Variants in SLC7A1 observed in about 807,000 individuals in gnomAD.
SLC7A1 encodes high affinity cationic amino acid transporter 1.
A neutral mutation model predicts 53.9 loss-of-function variants in SLC7A1; 10 were observed. The ratio of observed to expected loss-of-function variants is 0.19; its 90% CI spans 0.11 to 0.31. The LOEUF (loss-of-function observed/expected upper bound fraction) is 0.31, where lower values mean the gene tolerates loss of function less well. Ranked by LOEUF, SLC7A1 falls within the 10% of genes least tolerant of loss-of-function variation. The pLI is 1.00. For missense variants in SLC7A1, 525 were observed against 827.2 expected, an observed-to-expected ratio of 0.63 and a Z score of 4.48; for synonymous variants, 342 against 338.7, an observed-to-expected ratio of 1.01 and a Z score of -0.11.
chr13:29,532,987 C>T lies in SLC7A1; in HGVS notation c.371-5G>A. On this transcript the variant is annotated splice_polypyrimidine_tract_variant and splice_region_variant and intron_variant, in intron 3 of 12. Transcript: ENST00000380752. The stretch of plus-strand genomic sequence containing the variant: ...CCCTCGCTACGCTTGAAGTACCTGC[C>T]ACAAAGCACACACAACAGAGGAGAT... 1 of 1,611,172 alleles carries T rather than the reference C, an allele frequency of 6.2e-7. No individual in the cohort carries two copies. The highest frequency in any genetic ancestry group is 8.5e-7 in the Non-Finnish European group (1 of 1,178,608).
chr13:29,554,082 CA>C (rs1448076938), intron 1 of SLC7A1, among the ~76,000 whole-genome samples: 2 of 152,220 alleles, frequency 1.3e-5, no homozygotes, highest in Non-Finnish European at 2.9e-5. Context: ...ATGCCCTCCG[CA>C]CCAGAGATTC....
At chr13:29,575,757 A>G (rs1015212192) in intron 1 of SLC7A1, among the ~76,000 whole-genome samples, 1 of 152,226 alleles carries the variant, frequency 6.6e-6, no homozygotes, top group Admixed American at 6.5e-5. Flanking sequence ...AATACAGTAC[A>G]AACTTTTTCA....
intron 1 of SLC7A1, among the ~76,000 whole-genome samples, chr13:29,583,119 T>C (rs1277290763): frequency 6.6e-6 from 1 of 152,220 alleles, no homozygotes; most frequent in Non-Finnish European, 1.5e-5. Flanking sequence ...AGGTCCCTCA[T>C]TAGGTCTAGA....
In SLC7A1 at chr13:29,574,452, G is replaced by A. The variant is rs113656787; in HGVS notation, c.-114-20592C>T. On this transcript the variant is annotated intron_variant, in intron 1 of 12. Coordinates refer to ENST00000380752, the MANE Select transcript of SLC7A1 (RefSeq NM_003045.5). The stretch of plus-strand genomic sequence containing the variant: ...ATCTGTGGGAGTTATGGCCCATAAG[G>A]GCAAGAACCTGGGAAAGTCAGTGCC... 2.1e-3 allele frequency among the ~76,000 whole-genome samples: 315 copies of A among 152,276 alleles called. 1 individual carries two copies. Among genetic ancestry groups the A allele is most frequent in the African/African-American group, 6.8e-3 (284 of 41,546 alleles).
At chr13:29,522,169 T>G (rs920329521) in intron 8 of SLC7A1, 148 bp downstream of exon 8, 33 of 855,634 alleles carry the variant, frequency 3.9e-5, no homozygotes, top group African/African-American at 1.2e-4. Flanking sequence ...CAGTCAACTT[T>G]CAATGAACCA....
At chr13:29,522,257 C>G in intron 8 of SLC7A1, 60 bp downstream of exon 8, 1 of 1,573,280 alleles carries the variant, frequency 6.4e-7, no homozygotes, top group Non-Finnish European at 8.7e-7. Context: ...AGACGTCTCC[C>G]TAGGGAGTAA....
At chr13:29,584,116 T>TTC (rs1329746470) in intron 1 of SLC7A1, among the ~76,000 whole-genome samples, 1 of 109,700 alleles carries the variant, frequency 9.1e-6, no homozygotes. Flanking sequence ...TAACTTTTTT[T>TTC]TTCTTTTTTT....
chr13:29,584,136 C>A, intron 1 of SLC7A1, among the ~76,000 whole-genome samples: 1 of 144,468 alleles, frequency 6.9e-6, no homozygotes. Context: ...TTTTTTGAGA[C>A]GGAGTCTCAC....
At chr13:29,553,653 A>G (rs910824732) in intron 2 of SLC7A1, 108 bp downstream of exon 2, 3 of 152,254 alleles carry the variant, frequency 2.0e-5, no homozygotes, top group African/African-American at 7.2e-5. Flanking sequence ...TTTAGTTGAC[A>G]GTTAACTTAA....
At chr13:29,522,482 G>C (rs766986214) in intron 7 of SLC7A1, 26 bp from the exon 8 acceptor site, 6 of 1,613,710 alleles carry the variant, frequency 3.7e-6, no homozygotes, top group Admixed American at 1.7e-5. Flanking sequence ...CAAACCGCGT[G>C]AGTGAACCTG....
intron 2 of SLC7A1, among the ~76,000 whole-genome samples, chr13:29,537,561 T>A (rs1178065220): frequency 6.6e-6 from 1 of 152,212 alleles, no homozygotes; most frequent in Non-Finnish European, 1.5e-5. Context: ...TGTCAGTTAG[T>A]GACAGCACAT....
intron 3 of SLC7A1, 28 bp from the exon 4 acceptor site, chr13:29,533,010 G>A: frequency 1.3e-6 from 2 of 1,588,520 alleles, no homozygotes; most frequent in East Asian, 2.3e-5. Context: ...CAACAGAGGA[G>A]ATGTGAGGAC....
chr13:29,522,121 T>C (rs921989923), intron 8 of SLC7A1, among the ~76,000 whole-genome samples, 196 bp downstream of exon 8: 4 of 152,192 alleles, frequency 2.6e-5, no homozygotes, highest in Admixed American at 1.3e-4. Context: ...TTCTCTCCCA[T>C]CCTCTGTCAA....
intron 4 of SLC7A1, among the ~76,000 whole-genome samples, chr13:29,532,593 A>T (rs1248907900): frequency 2.0e-5 from 3 of 152,254 alleles, no homozygotes; most frequent in Admixed American, 6.5e-5. Flanking sequence ...TTCTCTTTTA[A>T]TGAAATGGCA....
rs569947462 is a variant in SLC7A1 at position 29,517,247 on chromosome 13, G to A, written c.1574C>T (p.Ala525Val). The A allele has an allele frequency of 1.2e-5, 20 of 1,613,304 alleles. No homozygotes were observed. The highest frequency in any genetic ancestry group is 5.0e-5 in the Admixed American group (3 of 59,910). The part of the protein sequence containing the change: ...VLGREALTKG[A>V]LWAVFLLAGS... Reference sequence around the variant, plus strand: ...TGCGAGCAGAAAGACTGCCCACAGCGCCCCTTTGGTGAGAGCCTCCCTTCC... The same window carrying A: ...TGCGAGCAGAAAGACTGCCCACAGCACCCCTTTGGTGAGAGCCTCCCTTCC... The change falls in exon 11 of 13, where the codon GCG becomes GTG. Residue 525 changes from alanine to valine, a missense_variant. By Grantham distance (64) the Ala-to-Val change is moderately conservative. Coordinates refer to ENST00000380752, the MANE Select transcript of SLC7A1 (RefSeq NM_003045.5).
chr13:29,524,524 TG>T (rs753329806), intron 5 of SLC7A1, among the ~76,000 whole-genome samples: 118 of 152,116 alleles, frequency 7.8e-4, no homozygotes, highest in Middle Eastern at 6.8e-3. Flanking sequence ...TAGGGAGACG[TG>T]GGGACTATGA....
At chr13:29,572,189 G>A (rs991294942) in intron 1 of SLC7A1, among the ~76,000 whole-genome samples, 2 of 152,224 alleles carry the variant, frequency 1.3e-5, no homozygotes, top group African/African-American at 2.4e-5. Flanking sequence ...CTCCAAGTGC[G>A]ACACGCTGTC....
chr13:29,580,428 GTTTT>G (rs1871594566), intron 1 of SLC7A1, among the ~76,000 whole-genome samples: 5 of 152,116 alleles, frequency 3.3e-5, no homozygotes, highest in Non-Finnish European at 5.9e-5. Flanking sequence ...CTGCCTCCCC[GTTTT>G]GAGATCTATT....
intron 1 of SLC7A1, among the ~76,000 whole-genome samples, chr13:29,587,016 C>A (rs1040546482): frequency 3.3e-5 from 5 of 152,136 alleles, no homozygotes; most frequent in South Asian, 2.1e-4. Context: ...TGGGCGGCTG[C>A]CCACCGAAGT....
Sources: gnomAD v4.1 joint callset for allele counts (sites outside exome capture counted in the v4.1 genomes callset) on GRCh38, gnomAD v4.1.1 for gene constraint, MANE v1.5 for transcripts, NCBI Gene and HGNC (gene_info 2026-07-23, HGNC 2026-07-21) for gene names.